The following IGF1R variants were observed in gnomAD, a reference collection of about 807,000 sequenced individuals.
IGF1R encodes insulin-like growth factor 1 receptor.
A neutral mutation model predicts 144.6 loss-of-function variants in IGF1R; 44 were observed. The ratio of observed to expected loss-of-function variants is 0.30; its 90% CI spans 0.24 to 0.39. The LOEUF is 0.39. IGF1R is among the 10% of genes least tolerant of loss of function. IGF1R has a pLI of 1.00. For synonymous variants in IGF1R, 795 were observed against 722.8 expected (o/e 1.10, Z -1.60); for missense variants, 1,355 against 1,833.7 (o/e 0.74, Z 4.77).
At chr15:98,936,383 G>A (rs1435882968) in intron 17 of IGF1R, among the ~76,000 whole-genome samples, 1 of 152,100 alleles carries the variant, frequency 6.6e-6, no homozygotes, top group South Asian at 2.1e-4. Context: ...TAACATATGC[G>A]GGCATGACTT....
At chr15:98,840,635 G>T (rs1289524287) in intron 2 of IGF1R, among the ~76,000 whole-genome samples, 1 of 151,512 alleles carries the variant, frequency 6.6e-6, no homozygotes, top group East Asian at 1.9e-4. Flanking sequence ...TAGAGATGGG[G>T]TCTCATTTTG....
At chr15:98,662,995 G>A (rs1393655213) in intron 1 of IGF1R, among the ~76,000 whole-genome samples, 4 of 152,166 alleles carry the variant, frequency 2.6e-5, no homozygotes, top group African/African-American at 7.2e-5. Context: ...CTGGTCTCTC[G>A]ATGGAGTCAG....
chr15:98,822,658 C>T (rs747626635), intron 2 of IGF1R, among the ~76,000 whole-genome samples: 1 of 152,184 alleles, frequency 6.6e-6, no homozygotes, highest in South Asian at 2.1e-4. Context: ...GCTGAACACA[C>T]AAAATTAATC....
At position 98,913,122 on chromosome 15, in the gene IGF1R, C is replaced by G. The variant is rs775291694; in HGVS notation, c.1668C>G (p.Leu556=). 1 of 1,614,242 alleles carries G rather than the reference C, an allele frequency of 6.2e-7. No individual in the cohort carries two copies. Among genetic ancestry groups the G allele is most frequent in the South Asian group, 1.1e-5 (1 of 91,088 alleles). ...SNSWNMVDVD[L]PPNKDVEPGI... ...GCTGGAACATGGTGGACGTGGACCT[C>G]CCGCCCAACAAGGACGTGGAGCCCG... The change falls in exon 8 of 21, where the codon CTC becomes CTG. Residue 556 remains leucine, a synonymous_variant. Transcript: ENST00000650285.
intron 2 of IGF1R, among the ~76,000 whole-genome samples, chr15:98,809,845 C>A (rs140051252): frequency 6.6e-6 from 1 of 152,026 alleles, no homozygotes; most frequent in Non-Finnish European, 1.5e-5. Flanking sequence ...GCTAAAGTCA[C>A]GTTCCACGTA....
At chr15:98,650,521 A>T (rs1352174364) in intron 1 of IGF1R, among the ~76,000 whole-genome samples, 1 of 151,986 alleles carries the variant, frequency 6.6e-6, no homozygotes, top group Admixed American at 6.5e-5. Context: ...GGGCCGGGGG[A>T]TGGAGGGGTA....
rs1042390945 is a variant in IGF1R, at chr15:98,913,291, G to C, written c.1828+9G>C. ...TCGCACCAATGCTTCAGGTATCCAT[G>C]CCTAGACAAGCCCCCAGCATCCACA... is the stretch of plus-strand genomic sequence containing the variant. On this transcript the variant is annotated intron_variant, in intron 8 of 20. Coordinates refer to ENST00000650285, the MANE Select transcript of IGF1R (RefSeq NM_000875.5). 6.3e-7 allele frequency: 1 copy of C among 1,598,488 alleles called. No homozygotes were observed. The highest frequency in any genetic ancestry group is 1.3e-5 in the African/African-American group (1 of 74,638).
chr15:98,847,927 C>T (rs2011396399), intron 2 of IGF1R, among the ~76,000 whole-genome samples: 2 of 152,178 alleles, frequency 1.3e-5, no homozygotes, highest in South Asian at 4.1e-4. Context: ...TCTGCCAGCC[C>T]TCCGGGAGCT....
At position 98,889,163 on chromosome 15, in the gene IGF1R, CAAG is replaced by C. The variant is rs1437660359; in HGVS notation, c.641-2156_641-2154del. On this transcript the variant is annotated intron_variant, in intron 2 of 20. Coordinates refer to ENST00000650285, the MANE Select transcript of IGF1R (RefSeq NM_000875.5). Reference sequence around the variant, plus strand: ...ATCAACTAAAAATTACTGAAAATGACAAGAAGAATAAATAATGGAAGGCAACCT... The same window carrying C: ...ATCAACTAAAAATTACTGAAAATGACAAGAATAAATAATGGAAGGCAACCT... Among the ~76,000 whole-genome samples, 7 of 152,148 alleles carry C rather than the reference CAAG, an allele frequency of 4.6e-5. No individual in the cohort carries two copies. The South Asian group carries it at 8.3e-4, about 18-fold the overall frequency.
At chr15:98,653,007 T>C (rs905750303) in intron 1 of IGF1R, among the ~76,000 whole-genome samples, 1 of 151,982 alleles carries the variant, frequency 6.6e-6, no homozygotes, top group East Asian at 1.9e-4. Context: ...ACGTTAAAAT[T>C]ATTACATACA....
intron 2 of IGF1R, among the ~76,000 whole-genome samples, chr15:98,754,113 T>C (rs1240866044): frequency 6.6e-6 from 1 of 152,232 alleles, no homozygotes; most frequent in African/African-American, 2.4e-5. Context: ...CATATTTTGT[T>C]ATTAATAATA....
In IGF1R at chr15:98,962,331, T is replaced by G. The variant is rs886051601; in HGVS notation, c.*4889T>G. 1 of 233,538 alleles carries G rather than the reference T, an allele frequency of 4.3e-6. No homozygotes were observed. The allele number at this position is 233,538 out of a possible 1,614,324, so 14.5% of individuals were successfully genotyped here. On this transcript the variant is annotated 3_prime_UTR_variant, in exon 21 of 21. Transcript: ENST00000650285. ...GTTTGGGGTTTGTTCTTTTCGTTAA[T>G]GTTCCTCTGTGTTGTCAGCTGTCTT...
At position 98,964,171 on chromosome 15, in the gene IGF1R, C is replaced by T. The variant is rs992162000; in HGVS notation, c.*6729C>T. 4.3e-6 allele frequency: 1 copy of T among 232,590 alleles called. No homozygotes were observed. Among genetic ancestry groups the T allele is most frequent in the Non-Finnish European group, 8.5e-6 (1 of 117,648 alleles). 14.4% of individuals were successfully genotyped at this position (232,590 alleles called of 1,614,324 possible). ...CAGAAGGCGGGATGGAATGGATGCA[C>T]CGCAAATAATGCATTTTCTGAGTTT... On this transcript the variant is annotated 3_prime_UTR_variant, in exon 21 of 21. Transcript: ENST00000650285.
chr15:98,774,848 T>C (rs947721554), intron 2 of IGF1R, among the ~76,000 whole-genome samples: 20 of 152,220 alleles, frequency 1.3e-4, no homozygotes, highest in African/African-American at 4.8e-4. Context: ...CGGTACATTT[T>C]GTTATGGATA....
At chr15:98,897,380 C>T (rs2014252547) in intron 4 of IGF1R, 1 of 181,060 alleles carries the variant, frequency 5.5e-6, no homozygotes, top group Admixed American at 5.5e-5. Context: ...GCTAGATTTC[C>T]AAATTTACTT....
At chr15:98,875,216 CAA>C (rs11302100) in intron 2 of IGF1R, among the ~76,000 whole-genome samples, 19 of 149,916 alleles carry the variant, frequency 1.3e-4, no homozygotes, top group Admixed American at 2.0e-4. Flanking sequence ...TGAAGAAGGC[CAA>C]AAAAAAAAAT....
intron 2 of IGF1R, among the ~76,000 whole-genome samples, chr15:98,860,756 T>G (rs2012103891): frequency 6.6e-6 from 1 of 150,542 alleles, no homozygotes; most frequent in Admixed American, 6.6e-5. Context: ...TTTAATAGAC[T>G]TATTTCAGTA....
chr15:98,742,768 G>C (rs943050493), intron 2 of IGF1R, among the ~76,000 whole-genome samples: 3 of 152,188 alleles, frequency 2.0e-5, no homozygotes, highest in African/African-American at 7.2e-5. Flanking sequence ...ACAATGGGCC[G>C]GATGTGGTGG....
chr15:98,793,136 C>T (rs2056164244), intron 2 of IGF1R, among the ~76,000 whole-genome samples: 1 of 152,194 alleles, frequency 6.6e-6, no homozygotes, highest in African/African-American at 2.4e-5. Flanking sequence ...TTGCCCCGAT[C>T]ATAAAGTTCC....
Sources: gnomAD v4.1 joint callset for allele counts (sites outside exome capture counted in the v4.1 genomes callset) on GRCh38, gnomAD v4.1.1 for gene constraint, MANE v1.5 for transcripts, NCBI Gene and HGNC (gene_info 2026-07-23, HGNC 2026-07-21) for gene names.